MAP4: variants seen among roughly 807,000 people sequenced by gnomAD.
MAP4 encodes the protein microtubule associated protein 4.
In MAP4, 76 loss-of-function variants were observed where a neutral mutation model predicts 170.2. The observed-to-expected ratio is 0.45, with a 90% CI of 0.37 to 0.54. The LOEUF is 0.54. Among genes scored for constraint, MAP4 ranks in the 20% least tolerant of loss-of-function variants. MAP4 has a pLI of 0.00. For synonymous variants in MAP4, 909 were observed against 994.5 expected, an observed-to-expected ratio of 0.91 and a Z score of 1.62; for missense variants, 2,506 against 2,748.0, an observed-to-expected ratio of 0.91 and a Z score of 1.97.
chr3:48,054,347 C>A (rs1424750974), intron 1 of MAP4, among the ~76,000 whole-genome samples: 1 of 151,764 alleles, frequency 6.6e-6, no homozygotes, highest in Non-Finnish European at 1.5e-5. Flanking sequence ...TGGAGCAGGC[C>A]AGGCACGGTG....
chr3:47,967,541 A>T (rs2100075822), intron 3 of MAP4, among the ~76,000 whole-genome samples: 1 of 152,060 alleles, frequency 6.6e-6, no homozygotes, highest in Admixed American at 6.5e-5. Flanking sequence ...AATCTCGGCT[A>T]CTCGGCAGGG....
chr3:47,965,614 T>C (rs1469511545), intron 3 of MAP4, among the ~76,000 whole-genome samples: 1 of 152,220 alleles, frequency 6.6e-6, no homozygotes, highest in African/African-American at 2.4e-5. Context: ...TGAAGTGATA[T>C]TTCATTGTGG....
intron 2 of MAP4, among the ~76,000 whole-genome samples, chr3:47,987,942 C>T (rs1226944584): frequency 6.6e-6 from 1 of 152,110 alleles, no homozygotes; most frequent in African/African-American, 2.4e-5. Flanking sequence ...CGCCTGTAAT[C>T]CCAGCACTTT....
chr3:47,993,633 G>A (rs1427124799), intron 2 of MAP4, among the ~76,000 whole-genome samples: 5 of 152,204 alleles, frequency 3.3e-5, no homozygotes, highest in African/African-American at 1.2e-4. Flanking sequence ...AGATCCTGAA[G>A]CATTTCTTTG....
intron 10 of MAP4, among the ~76,000 whole-genome samples, chr3:47,879,227 G>C (rs550430414): frequency 6.6e-6 from 1 of 150,988 alleles, no homozygotes; most frequent in South Asian, 2.1e-4. Context: ...CTATGCAATG[G>C]TCTCTATTAA....
chr3:47,933,081 T>C (rs1325991656), intron 3 of MAP4, among the ~76,000 whole-genome samples: 4 of 152,056 alleles, frequency 2.6e-5, no homozygotes, highest in Non-Finnish European at 5.9e-5. Flanking sequence ...TTTTTTTTAA[T>C]TTTTGTAGAG....
chr3:47,934,699 GTTTT>G (rs1368001755), intron 3 of MAP4, among the ~76,000 whole-genome samples: 1 of 152,024 alleles, frequency 6.6e-6, no homozygotes, highest in African/African-American at 2.4e-5. Flanking sequence ...CTCTTTCCTT[GTTTT>G]TTTGTTTTTT....
At chr3:48,020,694 AAATCTG>A (rs1310424407), upstream of MAP4, among the ~76,000 whole-genome samples, 1 of 152,194 alleles carries the variant, frequency 6.6e-6, no homozygotes, top group Non-Finnish European at 1.5e-5. Context: ...ATACAAGTAA[AAATCTG>A]AATTAAAAGT....
chr3:47,881,829 C>G (rs902890991), intron 10 of MAP4, among the ~76,000 whole-genome samples: 1 of 152,000 alleles, frequency 6.6e-6, no homozygotes, highest in African/African-American at 2.4e-5. Flanking sequence ...TGGTCTCGAA[C>G]TCCTAGGCTC....
chr3:47,975,087 G>T, intron 3 of MAP4: 1 of 1,050,652 alleles, frequency 9.5e-7, no homozygotes, highest in Non-Finnish European at 1.2e-6. Flanking sequence ...AAGGAAAAAG[G>T]TCAACTAAAA....
rs2100133118 is a variant in MAP4, at chr3:48,057,894, CA to C, written c.-20+30878del. ...ATTGAATGTAAATCTATAATTATCT[CA>C]AAATTATTTTAAAAAACTGTGTTTA... On this transcript the variant is annotated intron_variant, in intron 1 of 18. Transcript: ENST00000360240. 2.0e-5 allele frequency among the ~76,000 whole-genome samples: 3 copies of C among 152,062 alleles called. No homozygotes were observed. In the South Asian group the frequency reaches 6.2e-4, roughly 32 times the overall value.
intron 1 of MAP4, among the ~76,000 whole-genome samples, chr3:48,065,555 C>T (rs1162515238): frequency 6.6e-6 from 1 of 152,182 alleles, no homozygotes; most frequent in Non-Finnish European, 1.5e-5. Flanking sequence ...CTAAACCAAG[C>T]CCCAAATTTT....
intron 3 of MAP4, chr3:47,974,163 C>T (rs1383516665): frequency 2.1e-6 from 2 of 974,742 alleles, no homozygotes; most frequent in East Asian, 1.1e-4. Context: ...CAGTGTCTCA[C>T]ACCTGTAATC....
intron 3 of MAP4, among the ~76,000 whole-genome samples, chr3:47,966,229 T>C (rs1037403595): frequency 4.2e-3 from 95 of 22,876 alleles, no homozygotes; most frequent in Non-Finnish European, 5.5e-3. Context: ...CCACACTACC[T>C]TTTTTTTTTT....
Position 47,911,392 on chromosome 3 carries a change from G to T in MAP4, c.3029C>A (p.Ala1010Asp), listed in dbSNP as rs774036622. ...NVKLKEFPEGAEEDKELKKEA... is the reference protein window; with the variant it reads ...NVKLKEFPEGDEEDKELKKEA... Reference sequence around the variant, plus strand: ...CTTTTTTAGTTCTTTATCCTCTTCAGCTCCTTCAGGAAACTCCTTCAGTTT... The same window carrying T: ...CTTTTTTAGTTCTTTATCCTCTTCATCTCCTTCAGGAAACTCCTTCAGTTT... The change falls in exon 9 of 21, where the codon GCT (alanine) becomes GAT (aspartate). Residue 1010 changes from alanine (A) to aspartate (D), a missense_variant. Coordinates refer to ENST00000683076, the MANE Select transcript of MAP4 (RefSeq NM_001385682.1). The surrounding 1 kb of genome is among the most constrained non-coding windows in gnomAD (Gnocchi z 4.0). The T allele has an allele frequency of 5.2e-6, 8 of 1,536,022 alleles. No homozygotes were observed. The South Asian group carries it at 8.3e-5, about 16-fold the overall frequency.
intron 1 of MAP4, among the ~76,000 whole-genome samples, chr3:48,080,119 T>C (rs1191757289): frequency 6.6e-6 from 1 of 152,084 alleles, no homozygotes; most frequent in Non-Finnish European, 1.5e-5. Context: ...AAGTTGAGAT[T>C]AGAGCTACAG....
At chr3:47,994,756 C>T (rs574883287) in intron 2 of MAP4, among the ~76,000 whole-genome samples, 2 of 152,236 alleles carry the variant, frequency 1.3e-5, no homozygotes, top group African/African-American at 4.8e-5. Context: ...TTGAGACCAG[C>T]CTGGCCAACA....
At chr3:48,027,602 T>C (rs2100113781) in intron 1 of MAP4, among the ~76,000 whole-genome samples, 1 of 152,058 alleles carries the variant, frequency 6.6e-6, no homozygotes. Context: ...CCCAGAACTT[T>C]AGGAGGCTGA....
chr3:47,925,418 C>T (rs538427374), intron 4 of MAP4, among the ~76,000 whole-genome samples: 3 of 152,160 alleles, frequency 2.0e-5, no homozygotes, highest in Non-Finnish European at 2.9e-5. Flanking sequence ...TGAGCTTGGG[C>T]GGTCAAGGCT....
Sources: gnomAD v4.1 joint callset for allele counts (sites outside exome capture counted in the v4.1 genomes callset) on GRCh38, gnomAD v4.1.1 for gene constraint, Gnocchi (gnomAD v3.1) non-coding constraint, MANE v1.5 for transcripts, NCBI Gene and HGNC (gene_info 2026-07-23, HGNC 2026-07-21) for gene names.